ADAM2: variants seen among roughly 807,000 people sequenced by gnomAD.
ADAM2 encodes the protein ADAM metallopeptidase domain 2, also known as disintegrin and metalloproteinase domain-containing protein 2.
ADAM2 carries 101 observed loss-of-function variants against 99.3 expected under a neutral mutation model. The ratio of observed to expected loss-of-function variants is 1.02; its 90% CI spans 0.87 to 1.20. The LOEUF (loss-of-function observed/expected upper bound fraction) is 1.20. Ranked by LOEUF, ADAM2 falls within the 50% of genes most tolerant of loss-of-function variation. The pLI is 0.00. For synonymous variants in ADAM2, 323 were observed against 287.6 expected (o/e 1.12, Z -1.25); for missense variants, 948 against 878.7 (o/e 1.08, Z -1.00).
At chr8:39,834,312 T>G (rs1310601686) in intron 2 of ADAM2, among the ~76,000 whole-genome samples, 1 of 152,172 alleles carries the variant, frequency 6.6e-6, no homozygotes, top group Admixed American at 6.5e-5. Flanking sequence ...TGGGGTTTTC[T>G]ATATATGGGA....
intron 7 of ADAM2, among the ~76,000 whole-genome samples, chr8:39,793,692 T>C (rs1478945217): frequency 6.6e-6 from 1 of 152,146 alleles, no homozygotes; most frequent in East Asian, 1.9e-4. Context: ...CAGCCTCATG[T>C]GCTGTGGTGC....
At chr8:39,749,979 C>G (rs1174035635) in intron 16 of ADAM2, among the ~76,000 whole-genome samples, 2 of 151,950 alleles carry the variant, frequency 1.3e-5, no homozygotes, top group Non-Finnish European at 2.9e-5. Flanking sequence ...TTCTTCCCTG[C>G]TTAGACTGGG....
Position 39,755,728 on chromosome 8 carries a change from C to G in ADAM2, c.1797G>C (p.Lys599Asn), listed in dbSNP as rs1480128713. The G allele has an allele frequency of 6.2e-7, 1 of 1,608,800 alleles. No individual in the cohort carries two copies. The highest frequency in any genetic ancestry group is 8.5e-7 in the Non-Finnish European group (1 of 1,177,584). ...IKDGTSCGSN[K>N]VCRNQRCVSS... ...TATTTGGGAATAAAAGACTACCTACCTTATTTGAACCACAAGAAGTTCCAT... is the reference window on the plus strand; with the variant it reads ...TATTTGGGAATAAAAGACTACCTACGTTATTTGAACCACAAGAAGTTCCAT... The change falls in exon 16 of 21, where the codon AAG (lysine) becomes AAC (asparagine). Residue 599 changes from lysine to asparagine, a missense_variant and splice_region_variant. Coordinates refer to ENST00000265708, the MANE Select transcript of ADAM2 (RefSeq NM_001464.5).
chr8:39,775,803 T>C (rs551827901), intron 11 of ADAM2, among the ~76,000 whole-genome samples: 20 of 152,236 alleles, frequency 1.3e-4, no homozygotes, highest in African/African-American at 4.8e-4. Flanking sequence ...ATTTACCATT[T>C]TGGTCATCAG....
At chr8:39,800,684 T>C (rs1212185041) in intron 7 of ADAM2, among the ~76,000 whole-genome samples, 7 of 152,178 alleles carry the variant, frequency 4.6e-5, no homozygotes, top group Admixed American at 2.6e-4. Flanking sequence ...GGTTTAGTCT[T>C]TTTATGAAGT....
At chr8:39,827,584 G>C (rs1380018610) in intron 3 of ADAM2, among the ~76,000 whole-genome samples, 1 of 152,112 alleles carries the variant, frequency 6.6e-6, no homozygotes, top group African/African-American at 2.4e-5. Context: ...TTTGCTACAG[G>C]CTGGATGAAT....
At chr8:39,746,666 G>C (rs201595410) in intron 18 of ADAM2, 35 bp from the exon 19 acceptor site, 1 of 1,507,382 alleles carries the variant, frequency 6.6e-7, no homozygotes, top group African/African-American at 1.4e-5. Flanking sequence ...TTGAAAGCAA[G>C]CACCAGAAAT....
intron 7 of ADAM2, among the ~76,000 whole-genome samples, chr8:39,802,131 C>T (rs1272422543): frequency 6.6e-6 from 1 of 152,206 alleles, no homozygotes; most frequent in African/African-American, 2.4e-5. Flanking sequence ...CGTGGGTTCA[C>T]AAGTGGGATC....
At chr8:39,749,481 A>G (rs1823620681) in intron 17 of ADAM2, 31 bp from the exon 18 acceptor site, 1 of 1,595,360 alleles carries the variant, frequency 6.3e-7, no homozygotes, top group Non-Finnish European at 8.6e-7. Context: ...ACCTTATAAG[A>G]TAAGCAACTA....
chr8:39,793,943 T>C (rs1389892193), intron 7 of ADAM2, among the ~76,000 whole-genome samples: 1 of 152,148 alleles, frequency 6.6e-6, no homozygotes, highest in African/African-American at 2.4e-5. Flanking sequence ...TTGGAAGATT[T>C]GTTGTCTAAA....
At chr8:39,829,016 AG>A (rs1459921510) in intron 3 of ADAM2, among the ~76,000 whole-genome samples, 1 of 151,920 alleles carries the variant, frequency 6.6e-6, no homozygotes, top group Non-Finnish European at 1.5e-5. Context: ...ATCACACAGA[AG>A]ACATGTACAG....
At chr8:39,821,540 G>T (rs1386493981) in intron 5 of ADAM2, 46 bp downstream of exon 5, 1 of 1,340,074 alleles carries the variant, frequency 7.5e-7, no homozygotes. Flanking sequence ...AAATAATTTT[G>T]AAGTAAATAT....
At position 39,828,869 on chromosome 8, in the gene ADAM2, T is replaced by C. The variant is rs147930384; in HGVS notation, c.189-3972A>G. On this transcript the variant is annotated intron_variant, in intron 3 of 20. Transcript: ENST00000265708. ...AAAGAAAAATAATTGCCAAAACATC[T>C]ATGATGAGGAAAAAGGTGAAAAGGC... Among the ~76,000 whole-genome samples the C allele has an allele frequency of 5.1e-4, 78 of 151,984 alleles. No individual in the cohort carries two copies. The East Asian group carries it at 0.014, about 27-fold the overall frequency.
chr8:39,776,783 A>G (rs1292416258), intron 11 of ADAM2, among the ~76,000 whole-genome samples: 1 of 152,176 alleles, frequency 6.6e-6, no homozygotes, highest in African/African-American at 2.4e-5. Flanking sequence ...TTGTAAAATT[A>G]TACAAGTAAA....
chr8:39,825,256 T>G (rs1805351881), intron 3 of ADAM2, among the ~76,000 whole-genome samples: 1 of 152,174 alleles, frequency 6.6e-6, no homozygotes, highest in Non-Finnish European at 1.5e-5. Flanking sequence ...CTTGAAAATT[T>G]TATTTAAAAT....
At chr8:39,768,704 G>A (rs1802660207) in intron 12 of ADAM2, among the ~76,000 whole-genome samples, 2 of 152,040 alleles carry the variant, frequency 1.3e-5, no homozygotes, top group Admixed American at 1.3e-4. Flanking sequence ...TAAAAACTAG[G>A]GAAGTATATA....
chr8:39,763,454 T>G (rs1406140019), intron 14 of ADAM2, among the ~76,000 whole-genome samples: 1 of 152,112 alleles, frequency 6.6e-6, no homozygotes, highest in East Asian at 1.9e-4. Flanking sequence ...GTCCTTGGAG[T>G]GACCTATGTT....
At chr8:39,769,600 T>G (rs780286236) in intron 11 of ADAM2, 25 bp from the exon 12 acceptor site, 1 of 1,566,606 alleles carries the variant, frequency 6.4e-7, no homozygotes, top group Non-Finnish European at 8.8e-7. Context: ...AACGTCAAAT[T>G]TTAATGTAAG....
At chr8:39,767,574 C>T (rs950111738) in intron 12 of ADAM2, among the ~76,000 whole-genome samples, 9 of 152,042 alleles carry the variant, frequency 5.9e-5, no homozygotes, top group South Asian at 4.1e-4. Context: ...AAATACAAGA[C>T]GTAAAATAAA....
Sources: allele counts gnomAD v4.1 joint callset (sites outside exome capture counted in the v4.1 genomes callset), GRCh38; gene constraint gnomAD v4.1.1; transcripts MANE v1.5; gene names NCBI Gene and HGNC (gene_info 2026-07-23, HGNC 2026-07-21).